The following FAT3 variants were observed in gnomAD, a reference collection of about 807,000 sequenced individuals.
The protein encoded by FAT3 is protocadherin Fat 3.
A neutral mutation model predicts 310.2 loss-of-function variants in FAT3; 95 were observed. That is an observed-to-expected ratio of 0.31 (90% CI 0.26 to 0.36). The LOEUF is 0.36. Among genes scored for constraint, FAT3 ranks in the 10% least tolerant of loss-of-function variants. The probability of loss-of-function intolerance (pLI) is 1.00; values close to 1 mark genes in which losing one functional copy is unlikely to be tolerated. For synonymous variants in FAT3, 2,314 were observed against 2,192.9 expected (o/e 1.06, Z -1.54); for missense variants, 5,408 against 5,715.6 (o/e 0.95, Z 1.74).
chr11:92,763,806 A>C (rs557506349), intron 5 of FAT3, among the ~76,000 whole-genome samples: 4 of 152,080 alleles, frequency 2.6e-5, no homozygotes, highest in African/African-American at 9.6e-5. Flanking sequence ...ACCAAAAAAA[A>C]CCATTTGTAC....
intron 2 of FAT3, among the ~76,000 whole-genome samples, chr11:92,480,701 T>G (rs1952199364): frequency 1.4e-5 from 2 of 147,644 alleles, no homozygotes; most frequent in Admixed American, 6.7e-5. Flanking sequence ...GCAATGCACA[T>G]TTTTTTTGTG....
chr11:92,661,051 A>G (rs1311279971), intron 3 of FAT3, among the ~76,000 whole-genome samples: 2 of 152,252 alleles, frequency 1.3e-5, no homozygotes, highest in African/African-American at 4.8e-5. Context: ...TCACTAGGTG[A>G]GTATTTGATT....
At chr11:92,505,323 T>G (rs989822687) in intron 2 of FAT3, among the ~76,000 whole-genome samples, 2 of 152,096 alleles carry the variant, frequency 1.3e-5, no homozygotes, top group African/African-American at 4.8e-5. Context: ...TCCACAACTG[T>G]TGTTGGGCTT....
At chr11:92,560,441 A>C (rs1025445732) in intron 3 of FAT3, among the ~76,000 whole-genome samples, 1 of 152,020 alleles carries the variant, frequency 6.6e-6, no homozygotes, top group African/African-American at 2.4e-5. Context: ...AATTTTAATA[A>C]AGTCTAGGTT....
At chr11:92,419,052 T>TCTC (rs1399482298) in intron 2 of FAT3, among the ~76,000 whole-genome samples, 2 of 152,112 alleles carry the variant, frequency 1.3e-5, no homozygotes, top group Non-Finnish European at 2.9e-5. Flanking sequence ...CCTAACCCCC[T>TCTC]CTCCACCAGA....
chr11:92,398,563 G>T (rs1431992383), intron 2 of FAT3, among the ~76,000 whole-genome samples: 2 of 149,210 alleles, frequency 1.3e-5, no homozygotes, highest in Non-Finnish European at 3.0e-5. Context: ...TTGAATTGGA[G>T]CCCACCCTAT....
At chr11:92,377,775 T>G (rs150681781) in intron 2 of FAT3, among the ~76,000 whole-genome samples, 282 of 152,264 alleles carry the variant, frequency 1.9e-3, no homozygotes, top group African/African-American at 6.4e-3. Flanking sequence ...GTAGGTATTT[T>G]TGGAAGGAAA....
In FAT3 at chr11:92,352,806, T is replaced by C. The variant is rs752076459; in HGVS notation, c.694T>C (p.Leu232=). The C allele has an allele frequency of 1.4e-5, 23 of 1,613,816 alleles. No homozygotes were observed. The highest frequency in any genetic ancestry group is 1.0e-4 in the Admixed American group (6 of 59,960). ...DEKNRYDLEI[L]AVDRGMKLYG... ...AAAGAATAGGTATGATCTGGAAATT[T>C]TGGCTGTGGACCGGGGAATGAAACT... Residue 232 remains leucine (L), a synonymous_variant, in exon 2 of 28, where the codon TTG becomes CTG. Coordinates refer to ENST00000525166, the MANE Select transcript of FAT3 (RefSeq NM_001367949.2).
At position 92,831,966 on chromosome 11, in the gene FAT3, C is replaced by T. The variant is rs764107131; in HGVS notation, c.9826C>T (p.Arg3276Trp). 12 of 1,571,588 alleles carry T rather than the reference C, an allele frequency of 7.6e-6. No homozygotes were observed. Among genetic ancestry groups the T allele is most frequent in the East Asian group, 2.3e-5 (1 of 42,698 alleles). Reference protein sequence around the residue: ...GTNAEITYLIRSGNEQGKFKI... With the variant: ...GTNAEITYLIWSGNEQGKFKI... Reference sequence around the variant, plus strand: ...AAATGCTGAGATCACTTATCTCATCCGGTCTGGGAACGAACAAGGGAAATT... The same window carrying T: ...AAATGCTGAGATCACTTATCTCATCTGGTCTGGGAACGAACAAGGGAAATT... Residue 3276 changes from arginine (R) to tryptophan (W), a missense_variant, in exon 14 of 28, where the codon CGG (arginine) becomes TGG (tryptophan). Physicochemically the swap from Arg to Trp is moderately radical, Grantham distance 101. Coordinates refer to ENST00000525166, the MANE Select transcript of FAT3 (RefSeq NM_001367949.2).
At chr11:92,493,206 T>A (rs1054346163) in intron 2 of FAT3, among the ~76,000 whole-genome samples, 1 of 152,110 alleles carries the variant, frequency 6.6e-6, no homozygotes, top group Non-Finnish European at 1.5e-5. Context: ...TAGCTTGAAT[T>A]CTCAGAATTT....
chr11:92,511,692 G>C (rs1191700025), intron 2 of FAT3, among the ~76,000 whole-genome samples: 1 of 152,112 alleles, frequency 6.6e-6, no homozygotes, highest in East Asian at 1.9e-4. Flanking sequence ...TCCTCCTTGA[G>C]GGTTGAGGAG....
chr11:92,415,669 G>T (rs1421530861), intron 2 of FAT3, among the ~76,000 whole-genome samples: 5 of 152,102 alleles, frequency 3.3e-5, no homozygotes, highest in African/African-American at 1.2e-4. Context: ...TTTGCCAGCA[G>T]ATGGTTCAAA....
At chr11:92,664,130 C>A (rs1369830635) in intron 3 of FAT3, among the ~76,000 whole-genome samples, 1 of 152,146 alleles carries the variant, frequency 6.6e-6, no homozygotes, top group East Asian at 1.9e-4. Flanking sequence ...CATGGCATGT[C>A]CTTTTCTTAC....
At chr11:92,494,938 T>C (rs1378275127) in intron 2 of FAT3, among the ~76,000 whole-genome samples, 1 of 152,068 alleles carries the variant, frequency 6.6e-6, no homozygotes, top group African/African-American at 2.4e-5. Context: ...CGAAACATTA[T>C]ATAGGGACAG....
chr11:92,363,496 T>C (rs895420295), intron 2 of FAT3, among the ~76,000 whole-genome samples: 4 of 152,242 alleles, frequency 2.6e-5, no homozygotes, highest in African/African-American at 9.6e-5. Context: ...TGGTTGTTAA[T>C]CTTTCCAACT....
At chr11:92,779,947 C>A (rs1014404127) in intron 7 of FAT3, among the ~76,000 whole-genome samples, 67 of 152,102 alleles carry the variant, frequency 4.4e-4, no homozygotes, top group Non-Finnish European at 7.3e-5. Context: ...AGACTCCCAG[C>A]TGACAGCCAG....
intron 24 of FAT3, among the ~76,000 whole-genome samples, chr11:92,886,328 G>GGTGTGTGTGT (rs143452563): frequency 2.6e-4 from 39 of 150,444 alleles, no homozygotes; most frequent in South Asian, 2.1e-4. Flanking sequence ...AAGTAGCCCT[G>GGTGTGTGTGT]GTGTGTGTGT....
chr11:92,681,805 CA>C (rs1225771367), intron 3 of FAT3, among the ~76,000 whole-genome samples: 1 of 152,122 alleles, frequency 6.6e-6, no homozygotes, highest in Non-Finnish European at 1.5e-5. Context: ...ACTGCCAGCA[CA>C]TCAAATTTGC....
At chr11:92,581,454 T>A (rs1344850576) in intron 3 of FAT3, among the ~76,000 whole-genome samples, 1 of 152,086 alleles carries the variant, frequency 6.6e-6, no homozygotes, top group Non-Finnish European at 1.5e-5. Flanking sequence ...ACTCTCATTT[T>A]TTTTGTAACA....
Sources: allele counts gnomAD v4.1 joint callset (sites outside exome capture counted in the v4.1 genomes callset), GRCh38; gene constraint gnomAD v4.1.1; transcripts MANE v1.5; gene names NCBI Gene and HGNC (gene_info 2026-07-23, HGNC 2026-07-21).